Variants in DNAJA3 observed in about 807,000 individuals in gnomAD.
The protein encoded by DNAJA3 is DnaJ heat shock protein family (Hsp40) member A3, also known as dnaJ homolog subfamily A member 3, mitochondrial.
Under a neutral mutation model 54.9 loss-of-function variants are expected in DNAJA3, and 29 were observed. The ratio of observed to expected loss-of-function variants is 0.53; its 90% CI spans 0.39 to 0.72. The LOEUF is 0.72. DNAJA3 is among the 30% of genes least tolerant of loss of function. The pLI, the probability that DNAJA3 is intolerant of heterozygous loss-of-function variation, is 0.00. For missense variants in DNAJA3, 708 were observed against 639.4 expected (o/e 1.11, Z -1.16); for synonymous variants, 302 against 251.4 (o/e 1.20, Z -1.90).
Position 4,455,881 on chromosome 16 carries a change from G to C in DNAJA3, c.*349G>C, listed in dbSNP as rs181511744. ...AATATTGTGGATATCTTAGTTAAAG[G>C]CCATGCTTACAGCTTAGAAATGAAG... On this transcript the variant is annotated 3_prime_UTR_variant, in exon 12 of 12. Transcript: ENST00000262375. 1.0e-5 allele frequency: 5 copies of C among 496,346 alleles called. No homozygotes were observed. The highest frequency in any genetic ancestry group is 1.9e-5 in the African/African-American group (1 of 52,536). 30.7% of individuals were successfully genotyped at this position (496,346 alleles called of 1,614,324 possible).
At chr16:4,439,770 ACTC>A (rs2056816961) in intron 3 of DNAJA3, among the ~76,000 whole-genome samples, 1 of 151,722 alleles carries the variant, frequency 6.6e-6, no homozygotes, top group Non-Finnish European at 1.5e-5. Flanking sequence ...CTCCCACCTG[ACTC>A]CTCCTCTGCC....
chr16:4,446,773 A>G lies in DNAJA3; in HGVS notation c.997-113A>G, dbSNP rs150981244. The G allele has an allele frequency of 3.3e-4, 424 of 1,301,316 alleles. No individual in the cohort carries two copies. In the African/African-American group the frequency reaches 5.5e-3, roughly 17 times the overall value. 80.6% of individuals were successfully genotyped at this position (1,301,316 alleles called of 1,614,324 possible). On this transcript the variant is annotated intron_variant, in intron 7 of 11. Transcript: ENST00000262375. ...TTTCCCTCAACACTGCACTTTATGT[A>G]TGGAAGGGGTGTGTAGTTTGTCAGG...
intron 3 of DNAJA3, among the ~76,000 whole-genome samples, chr16:4,439,138 G>C (rs139792454): frequency 1.6e-4 from 24 of 152,032 alleles, no homozygotes; most frequent in African/African-American, 5.3e-4. Flanking sequence ...GAGGTCAGGA[G>C]TTTGAGACCA....
chr16:4,454,548 A>G (rs901205008), intron 10 of DNAJA3, among the ~76,000 whole-genome samples: 12 of 152,102 alleles, frequency 7.9e-5, no homozygotes, highest in African/African-American at 1.9e-4. Flanking sequence ...GTCCGTCTCT[A>G]TTTCTTGTTT....
chr16:4,435,688 A>G (rs1032281835), intron 2 of DNAJA3, among the ~76,000 whole-genome samples: 2 of 152,210 alleles, frequency 1.3e-5, no homozygotes, highest in Non-Finnish European at 2.9e-5. Context: ...TGGTCAAATA[A>G]TCTGTTGCAT....
chr16:4,439,722 C>A (rs2056816427), intron 3 of DNAJA3, among the ~76,000 whole-genome samples: 1 of 152,078 alleles, frequency 6.6e-6, no homozygotes, highest in Non-Finnish European at 1.5e-5. Flanking sequence ...TTGGGAAGGG[C>A]TGGAACCAGG....
At chr16:4,434,248 G>A (rs56067727) in intron 1 of DNAJA3, 136 bp from the exon 2 acceptor site, 1 of 948,404 alleles carries the variant, frequency 1.1e-6, no homozygotes, top group East Asian at 2.5e-5. Context: ...TTCTAGTTGA[G>A]ATCTGGGTGG....
intron 1 of DNAJA3, chr16:4,430,513 AG>A (rs1487154699): frequency 2.0e-5 from 3 of 150,812 alleles, no homozygotes; most frequent in African/African-American, 7.3e-5. Context: ...CAGTGAGCCG[AG>A]ATCGCGCCAC....
At chr16:4,445,657 T>G (rs1321773032) in intron 7 of DNAJA3, among the ~76,000 whole-genome samples, 2 of 152,162 alleles carry the variant, frequency 1.3e-5, no homozygotes, top group African/African-American at 2.4e-5. Context: ...GCTCAGGTGA[T>G]CCTCCCACCT....
chr16:4,429,600 C>G (rs1479127468), intron 1 of DNAJA3, among the ~76,000 whole-genome samples: 1 of 152,094 alleles, frequency 6.6e-6, no homozygotes, highest in Admixed American at 6.5e-5. Flanking sequence ...TTTGGGAGGC[C>G]TATGCGGGCG....
intron 10 of DNAJA3, among the ~76,000 whole-genome samples, chr16:4,451,562 GC>G (rs2056977687): frequency 6.6e-6 from 1 of 151,856 alleles, no homozygotes; most frequent in Non-Finnish European, 1.5e-5. Flanking sequence ...TTTGAGACCA[GC>G]CTGGACAGCA....
chr16:4,441,270 G>GC, intron 3 of DNAJA3, 105 bp from the exon 4 acceptor site: 2 of 1,065,142 alleles, frequency 1.9e-6, no homozygotes, highest in South Asian at 3.1e-5. Flanking sequence ...TGCACACAGG[G>GC]CCACTTAATA....
At chr16:4,448,340 C>A (rs888575284) in intron 8 of DNAJA3, among the ~76,000 whole-genome samples, 1 of 147,642 alleles carries the variant, frequency 6.8e-6, no homozygotes, top group African/African-American at 2.5e-5. Flanking sequence ...TTTTACCCAC[C>A]CCCTCCACCA....
chr16:4,445,902 A>G (rs530135698), intron 7 of DNAJA3, among the ~76,000 whole-genome samples: 19 of 151,148 alleles, frequency 1.3e-4, no homozygotes, highest in African/African-American at 4.6e-4. Flanking sequence ...TGCTTGTTAT[A>G]TTATTTACTC....
At chr16:4,429,262 GCTCACCATGATCTTGA>G (rs2056662979) in intron 1 of DNAJA3, among the ~76,000 whole-genome samples, 1 of 151,214 alleles carries the variant, frequency 6.6e-6, no homozygotes, top group East Asian at 2.0e-4. Flanking sequence ...TGCGATCTCG[GCTCACCATGATCTTGA>G]CTCACCGTGA....
intron 10 of DNAJA3, among the ~76,000 whole-genome samples, chr16:4,453,827 C>G (rs140493749): frequency 6.6e-6 from 1 of 152,320 alleles, no homozygotes; most frequent in East Asian, 1.9e-4. Flanking sequence ...CTTTCACTAG[C>G]GAAGGCACCT....
chr16:4,451,120 C>T lies in DNAJA3; in HGVS notation c.1339+623C>T, dbSNP rs1237975053. Among the ~76,000 whole-genome samples the T allele has an allele frequency of 2.0e-5, 3 of 152,190 alleles. No individual in the cohort carries two copies. In the East Asian group the frequency reaches 5.8e-4, roughly 29 times the overall value. On this transcript the variant is annotated intron_variant, in intron 10 of 11. Coordinates refer to ENST00000262375, the MANE Select transcript of DNAJA3 (RefSeq NM_005147.6). ...TGCTGTGGGCGCTGAGACAATGGCA[C>T]CCCAGCTGCAGCCCCTCTTCCCATG... is the stretch of plus-strand genomic sequence containing the variant.
chr16:4,455,826 T>C lies in DNAJA3; in HGVS notation c.*294T>C. Reference sequence around the variant, plus strand: ...CAGGCAGAGGGAGATGGTTAGACTCTTGCAGGGCTAAAACTCTAATTTGGA... The same window carrying C: ...CAGGCAGAGGGAGATGGTTAGACTCCTGCAGGGCTAAAACTCTAATTTGGA... On this transcript the variant is annotated 3_prime_UTR_variant, in exon 12 of 12. Coordinates refer to ENST00000262375, the MANE Select transcript of DNAJA3 (RefSeq NM_005147.6). 3 of 569,214 alleles carry C rather than the reference T, an allele frequency of 5.3e-6. No homozygotes were observed. Among genetic ancestry groups the C allele is most frequent in the Middle Eastern group, 4.7e-4 (1 of 2,142 alleles). The allele number at this position is 569,214 out of a possible 1,614,324, so 35.3% of individuals were successfully genotyped here. A position where few individuals can be genotyped will look rare whatever the true frequency, so the allele number is the denominator to read the frequency against.
chr16:4,432,317 C>T (rs117537551), intron 1 of DNAJA3, among the ~76,000 whole-genome samples: 1 of 143,454 alleles, frequency 7.0e-6, no homozygotes, highest in Non-Finnish European at 1.5e-5. Context: ...GCCACTGTGC[C>T]CAGGCTTATT....
Sources: gnomAD v4.1 joint callset for allele counts (sites outside exome capture counted in the v4.1 genomes callset) on GRCh38, gnomAD v4.1.1 for gene constraint, MANE v1.5 for transcripts, NCBI Gene and HGNC (gene_info 2026-07-23, HGNC 2026-07-21) for gene names.